Variants in ZNRF1 observed in about 807,000 individuals in gnomAD.
ZNRF1 encodes the protein zinc and ring finger 1, also known as E3 ubiquitin-protein ligase ZNRF1.
ZNRF1 carries 3 observed loss-of-function variants against 18.4 expected under a neutral mutation model. The observed-to-expected ratio is 0.16, with a 90% CI of 0.07 to 0.42. The LOEUF is 0.42. ZNRF1 is among the 10% of genes least tolerant of loss of function. The pLI, the probability that ZNRF1 is intolerant of heterozygous loss-of-function variation, is 0.99. For missense variants in ZNRF1, 310 were observed against 329.8 expected, an observed-to-expected ratio of 0.94 and a Z score of 0.47; for synonymous variants, 157 against 144.2, an observed-to-expected ratio of 1.09 and a Z score of -0.64.
intron 1 of ZNRF1, among the ~76,000 whole-genome samples, chr16:75,061,142 T>A (rs2035739033): frequency 6.6e-6 from 1 of 152,240 alleles, no homozygotes; most frequent in African/African-American, 2.4e-5. Flanking sequence ...CAAGCATTTA[T>A]CCTTTGAGTT....
intron 1 of ZNRF1, among the ~76,000 whole-genome samples, chr16:75,074,152 T>C (rs920140867): frequency 6.6e-5 from 10 of 152,310 alleles, no homozygotes; most frequent in South Asian, 2.1e-4. Context: ...AGACTGCTAG[T>C]CTGTTCTGCT....
chr16:75,044,173 G>A (rs1163153657), intron 1 of ZNRF1, among the ~76,000 whole-genome samples: 1 of 151,912 alleles, frequency 6.6e-6, no homozygotes, highest in East Asian at 1.9e-4. Flanking sequence ...ATTTCTTAGA[G>A]TGGTTTAGAT....
In ZNRF1 at chr16:75,093,586, A is replaced by G; in HGVS notation, c.439A>G (p.Ile147Val). 9.3e-6 allele frequency: 15 copies of G among 1,613,906 alleles called. No homozygotes were observed. The highest frequency in any genetic ancestry group is 1.3e-5 in the Non-Finnish European group (15 of 1,179,842). ...FSSHSGFKCP[I>V]CSKSVASDEM... ...CTCTCTTTCAGGTTTCAAGTGCCCC[A>G]TTTGCTCCAAGTCTGTGGCTTCTGA... Residue 147 changes from isoleucine to valine, a missense_variant, in exon 2 of 5, where the codon ATT becomes GTT. Ile to Val is a conservative substitution (Grantham distance 29). Transcript: ENST00000335325.
At chr16:75,037,750 G>T (rs1411113313) in intron 1 of ZNRF1, among the ~76,000 whole-genome samples, 1 of 152,134 alleles carries the variant, frequency 6.6e-6, no homozygotes, top group Non-Finnish European at 1.5e-5. Context: ...CCAAATCTAT[G>T]AATAGAATGT....
Position 75,040,598 on chromosome 16 carries a change from GTTTTTTTTT to G in ZNRF1, c.424+40520_424+40528del, listed in dbSNP as rs61513153. Among the ~76,000 whole-genome samples the G allele has an allele frequency of 1.9e-4, 9 of 46,386 alleles. No individual in the cohort carries two copies. The East Asian group carries it at 7.5e-3, about 39-fold the overall frequency. The allele number at this position is 46,386 out of a possible 152,430, so 30.4% of individuals were successfully genotyped here. A position where few individuals can be genotyped will look rare whatever the true frequency, so the allele number is the denominator to read the frequency against. Reference sequence around the variant, plus strand: ...ATGTTTTTGTTTTTGTTTTTTGTGGGTTTTTTTTTTTTTTTTTTTTTTTTTGAGACAGAG... The same window carrying G: ...ATGTTTTTGTTTTTGTTTTTTGTGGGTTTTTTTTTTTTTTTTGAGACAGAG... On this transcript the variant is annotated intron_variant, in intron 1 of 4. Coordinates refer to ENST00000335325, the MANE Select transcript of ZNRF1 (RefSeq NM_032268.5).
rs1204631531 is a variant in ZNRF1 at position 75,107,731 on chromosome 16, A to G, written c.*33-2A>G. On this transcript the variant is annotated splice_acceptor_variant, in intron 4 of 4. Coordinates refer to ENST00000335325, the MANE Select transcript of ZNRF1 (RefSeq NM_032268.5). LOFTEE classifies it low-confidence loss of function (3UTR_SPLICE). ...ACGACTTATTTATTACGGTCCACAC[A>G]GGGACAGAGCGCCCCTGCTCCAGGG... 2.2e-6 allele frequency: 1 copy of G among 456,326 alleles called. No individual in the cohort carries two copies. Among genetic ancestry groups the G allele is most frequent in the South Asian group, 1.5e-5 (1 of 64,566 alleles). The allele number at this position is 456,326 out of a possible 1,614,324, so 28.3% of individuals were successfully genotyped here.
At chr16:75,096,100 G>A (rs918601527) in intron 2 of ZNRF1, among the ~76,000 whole-genome samples, 60 of 148,338 alleles carry the variant, frequency 4.0e-4, no homozygotes, top group African/African-American at 1.5e-3. Context: ...GTGTGTGTGT[G>A]TAAACTAGAG....
At chr16:75,069,595 G>A (rs2035845881) in intron 1 of ZNRF1, among the ~76,000 whole-genome samples, 1 of 152,164 alleles carries the variant, frequency 6.6e-6, no homozygotes, top group Admixed American at 6.5e-5. Context: ...TGTATTTTTA[G>A]TAGAGATGGG....
intron 1 of ZNRF1, among the ~76,000 whole-genome samples, chr16:75,074,179 C>G (rs11149795): frequency 0.31 from 47,212 of 152,030 alleles, 8,465 homozygotes; most frequent in East Asian, 0.64. Context: ...CTGTCCGTGA[C>G]CGTTGCTAGA....
At chr16:75,095,520 G>T in intron 2 of ZNRF1, 1 of 1,370,032 alleles carries the variant, frequency 7.3e-7, no homozygotes, top group Non-Finnish European at 9.7e-7. Flanking sequence ...TTTCCCACAT[G>T]TGTGGAGACC....
chr16:75,105,750 C>T (rs1486445387), intron 3 of ZNRF1: 1 of 152,226 alleles, frequency 6.6e-6, no homozygotes, highest in Non-Finnish European at 1.5e-5. Context: ...GAGAATTATG[C>T]CAATTATCTG....
chr16:75,084,337 C>T (rs185263742), intron 1 of ZNRF1: 6 of 152,234 alleles, frequency 3.9e-5, no homozygotes, highest in Admixed American at 1.3e-4. Flanking sequence ...GAAAATTTCT[C>T]TAAAGAAGGA....
chr16:75,061,570 T>C (rs2035745155), intron 1 of ZNRF1, among the ~76,000 whole-genome samples: 1 of 148,018 alleles, frequency 6.8e-6, no homozygotes, highest in African/African-American at 2.5e-5. Flanking sequence ...ATCTCACTCG[T>C]TTTTATGGGT....
Position 75,089,298 on chromosome 16 carries a change from G to A in ZNRF1, c.425-4274G>A, listed in dbSNP as rs145942692. On this transcript the variant is annotated intron_variant, in intron 1 of 4. Coordinates refer to ENST00000335325, the MANE Select transcript of ZNRF1 (RefSeq NM_032268.5). ...AAAAAAAAAAGTTTTTAATAGAGAC[G>A]GGGTCTCCCTGTGTTGTCCAGGCTG... is the stretch of plus-strand genomic sequence containing the variant. Among the ~76,000 whole-genome samples the A allele has an allele frequency of 5.7e-3, 867 of 152,020 alleles. 9 individuals are homozygous for A. Among genetic ancestry groups the A allele is most frequent in the African/African-American group, 0.019 (798 of 41,454 alleles).
intron 1 of ZNRF1, 178 bp downstream of exon 1, chr16:75,000,273 G>A (rs2145309332): frequency 1.0e-6 from 1 of 967,168 alleles, no homozygotes; most frequent in Non-Finnish European, 1.6e-6. Context: ...GGCTTTCTGC[G>A]AGGCTGCGGA....
rs1215094567 is a variant in ZNRF1 at position 75,093,512 on chromosome 16, A to G, written c.425-60A>G. 3.7e-6 allele frequency: 5 copies of G among 1,356,662 alleles called. 1 individual carries two copies. Among genetic ancestry groups the G allele is most frequent in the Non-Finnish European group, 5.3e-6 (5 of 947,484 alleles). The allele number at this position is 1,356,662 out of a possible 1,614,324, so 84.0% of individuals were successfully genotyped here. ...ATGGCTGTCATTCGAGAGTGTCCAC[A>G]TGTACTGTGGATGTACTGGATCTGG... is the stretch of plus-strand genomic sequence containing the variant. On this transcript the variant is annotated intron_variant, in intron 1 of 4. Coordinates refer to ENST00000335325, the MANE Select transcript of ZNRF1 (RefSeq NM_032268.5).
At chr16:75,042,371 C>A (rs1228771315) in intron 1 of ZNRF1, among the ~76,000 whole-genome samples, 1 of 150,284 alleles carries the variant, frequency 6.7e-6, no homozygotes, top group Non-Finnish European at 1.5e-5. Flanking sequence ...AGTTTTAGCT[C>A]TTACATATGT....
At chr16:75,014,268 C>G (rs1036633610) in intron 1 of ZNRF1, among the ~76,000 whole-genome samples, 1 of 152,158 alleles carries the variant, frequency 6.6e-6, no homozygotes, top group African/African-American at 2.4e-5. Context: ...TTCTCTTTCC[C>G]TCTCCAAAGG....
intron 1 of ZNRF1, among the ~76,000 whole-genome samples, chr16:75,019,306 C>G (rs774158906): frequency 1.3e-5 from 2 of 151,914 alleles, no homozygotes; most frequent in Non-Finnish European, 2.9e-5. Context: ...TCCCAAAGTG[C>G]TGAGAGTACA....
Sources: allele counts gnomAD v4.1 joint callset (sites outside exome capture counted in the v4.1 genomes callset), GRCh38; gene constraint gnomAD v4.1.1; transcripts MANE v1.5; gene names NCBI Gene and HGNC (gene_info 2026-07-23, HGNC 2026-07-21).